Variants in CHN2 observed in about 807,000 individuals in gnomAD.
CHN2 encodes the protein beta-chimaerin.
CHN2 carries 35 observed loss-of-function variants against 56.3 expected under a neutral mutation model. The observed-to-expected ratio is 0.62, with a 90% CI of 0.47 to 0.82. The LOEUF (loss-of-function observed/expected upper bound fraction) is 0.82, where lower values mean the gene tolerates loss of function less well. Ranked by LOEUF, CHN2 falls within the 40% of genes least tolerant of loss-of-function variation. The pLI is 0.00. For synonymous variants in CHN2, 210 were observed against 212.8 expected, an observed-to-expected ratio of 0.99 and a Z score of 0.12; for missense variants, 491 against 580.5, an observed-to-expected ratio of 0.85 and a Z score of 1.58.
intron 1 of CHN2, among the ~76,000 whole-genome samples, chr7:29,260,776 G>A (rs544128600): frequency 2.0e-5 from 3 of 152,244 alleles, no homozygotes; most frequent in Non-Finnish European, 2.9e-5. Context: ...TCTGGACACC[G>A]GACCTGTTTT....
At chr7:29,488,517 TA>T in intron 7 of CHN2, among the ~76,000 whole-genome samples, 1 of 152,084 alleles carries the variant, frequency 6.6e-6, no homozygotes, top group Non-Finnish European at 1.5e-5. Context: ...TCTGTGAACA[TA>T]AAGTAGCTAA....
intron 2 of CHN2, among the ~76,000 whole-genome samples, chr7:29,176,527 T>G (rs953901220): frequency 1.3e-5 from 2 of 152,124 alleles, no homozygotes; most frequent in Non-Finnish European, 2.9e-5. Context: ...AATCTAACTT[T>G]GATTCCAAAG....
intron 6 of CHN2, among the ~76,000 whole-genome samples, chr7:29,461,385 T>C (rs1785153255): frequency 6.6e-6 from 1 of 152,190 alleles, no homozygotes; most frequent in African/African-American, 2.4e-5. Flanking sequence ...TGATATCAGA[T>C]GAGATGGACT....
intron 7 of CHN2, among the ~76,000 whole-genome samples, chr7:29,493,261 C>A (rs371395490): frequency 6.6e-6 from 1 of 152,194 alleles, no homozygotes; most frequent in Admixed American, 6.5e-5. Context: ...ATACCATATA[C>A]CCTAGATGTG....
Position 29,216,945 on chromosome 7 carries a change from G to T in CHN2, c.49+21955G>T, listed in dbSNP as rs74648718. Among the ~76,000 whole-genome samples, 1,483 of 152,282 alleles carry T rather than the reference G, an allele frequency of 9.7e-3. 27 individuals are homozygous for T. The highest frequency in any genetic ancestry group is 0.034 in the African/African-American group (1,421 of 41,564). ...ATGAAGATGGTGTTAAGCTTTTACA[G>T]GAGCACGGCTTTTGATCTGCTCTTT... On this transcript the variant is annotated intron_variant, in intron 1 of 12. Transcript: ENST00000222792.
chr7:29,367,685 A>G (rs1799273834), intron 2 of CHN2, among the ~76,000 whole-genome samples: 1 of 152,214 alleles, frequency 6.6e-6, no homozygotes, highest in Non-Finnish European at 1.5e-5. Context: ...GCCAGTAACA[A>G]TTATGAAACT....
At chr7:29,228,157 T>TACACACAC (rs1389003627) in intron 1 of CHN2, among the ~76,000 whole-genome samples, 90 of 150,130 alleles carry the variant, frequency 6.0e-4, no homozygotes, top group African/African-American at 2.0e-3. Flanking sequence ...TATATATATA[T>TACACACAC]ATACACACAC....
intron 1 of CHN2, among the ~76,000 whole-genome samples, chr7:29,314,761 A>T (rs1398182400): frequency 2.6e-5 from 4 of 152,164 alleles, no homozygotes; most frequent in East Asian, 1.9e-4. Context: ...AACAGTTTTT[A>T]AAAAATTACT....
In CHN2 at chr7:29,394,860, A is replaced by T. The variant is rs950296169; in HGVS notation, c.176+1150A>T. On this transcript the variant is annotated intron_variant, in intron 4 of 12. Coordinates refer to ENST00000222792, the MANE Select transcript of CHN2 (RefSeq NM_004067.4). ...TTTTGCAGAAAAGTTTTGTCAAATA[A>T]CTTTTTAATTCTCATCTTCTTACCC... 4.6e-5 allele frequency among the ~76,000 whole-genome samples: 7 copies of T among 152,358 alleles called. No homozygotes were observed. In the East Asian group the frequency reaches 5.8e-4, roughly 13 times the overall value.
chr7:29,273,353 A>ATATATATATATATATATGTGTG (rs1562881888), intron 1 of CHN2, among the ~76,000 whole-genome samples: 1 of 63,370 alleles, frequency 1.6e-5, no homozygotes, highest in Non-Finnish European at 3.0e-5. Flanking sequence ...GTATATATAT[A>ATATATATATATATATATGTGTG]TATATATATA....
intron 6 of CHN2, among the ~76,000 whole-genome samples, chr7:29,432,432 C>A (rs554187845): frequency 6.6e-6 from 1 of 152,196 alleles, no homozygotes; most frequent in African/African-American, 2.4e-5. Flanking sequence ...TGAACTCTAC[C>A]CACTTCCCTC....
At chr7:29,235,254 A>C (rs528504985) in intron 1 of CHN2, among the ~76,000 whole-genome samples, 2 of 152,358 alleles carry the variant, frequency 1.3e-5, no homozygotes, top group East Asian at 3.9e-4. Context: ...AAAAGAAGAC[A>C]TACACACAGC....
chr7:29,429,697 G>A (rs183391216), intron 6 of CHN2, among the ~76,000 whole-genome samples: 1 of 152,324 alleles, frequency 6.6e-6, no homozygotes. Context: ...CAGGACTTGA[G>A]TGGGTCCTAG....
At chr7:29,382,243 A>T (rs2128059518) in intron 3 of CHN2, among the ~76,000 whole-genome samples, 1 of 152,332 alleles carries the variant, frequency 6.6e-6, no homozygotes, top group South Asian at 2.1e-4. Flanking sequence ...CTCAAGTCTC[A>T]AATTCCAGGG....
chr7:29,437,337 G>GAAAA lies in CHN2; in HGVS notation c.576+36509_576+36510insAAAA, dbSNP rs1783302814. Among the ~76,000 whole-genome samples the GAAAA allele has an allele frequency of 4.7e-5, 4 of 84,658 alleles. 1 individual carries two copies. Among genetic ancestry groups the GAAAA allele is most frequent in the African/African-American group, 2.2e-4 (3 of 13,524 alleles). The allele number at this position is 84,658 out of a possible 152,430, so 55.5% of individuals were successfully genotyped here. On this transcript the variant is annotated intron_variant, in intron 6 of 12. Coordinates refer to ENST00000222792, the MANE Select transcript of CHN2 (RefSeq NM_004067.4). ...AAACCGGCTGGGCGCGGTGGCTCAC[G>GAAAA]CCTGTAATCCCAGCACTTTGGGAGG...
intron 5 of CHN2, chr7:29,400,195 C>T: frequency 6.8e-6 from 2 of 295,108 alleles, no homozygotes; most frequent in South Asian, 5.7e-5. Flanking sequence ...ACCCTCTGAC[C>T]CTTACAAATG....
At chr7:29,389,914 C>T (rs749491713) in intron 3 of CHN2, among the ~76,000 whole-genome samples, 1 of 151,904 alleles carries the variant, frequency 6.6e-6, no homozygotes, top group Non-Finnish European at 1.5e-5. Flanking sequence ...ATTAGCCAGG[C>T]ACGGTGGTAT....
At chr7:29,383,477 A>T (rs1343702738) in intron 3 of CHN2, among the ~76,000 whole-genome samples, 1 of 152,112 alleles carries the variant, frequency 6.6e-6, no homozygotes, top group Non-Finnish European at 1.5e-5. Context: ...CACACTGGGG[A>T]GGGCCATCTT....
intron 2 of CHN2, among the ~76,000 whole-genome samples, chr7:29,163,291 T>G (rs1028010362): frequency 6.6e-6 from 1 of 152,158 alleles, no homozygotes; most frequent in South Asian, 2.1e-4. Flanking sequence ...TGAAAAACAT[T>G]GTAAAATACT....
Sources: gnomAD v4.1 joint callset for allele counts (sites outside exome capture counted in the v4.1 genomes callset) on GRCh38, gnomAD v4.1.1 for gene constraint, MANE v1.5 for transcripts, NCBI Gene and HGNC (gene_info 2026-07-23, HGNC 2026-07-21) for gene names.